CNTNAP2: variants seen among roughly 807,000 people sequenced by gnomAD.
The protein encoded by CNTNAP2 is contactin associated protein 2.
CNTNAP2 carries 98 observed loss-of-function variants against 155.2 expected under a neutral mutation model. The observed-to-expected ratio is 0.63, with a 90% CI of 0.54 to 0.75. The LOEUF (loss-of-function observed/expected upper bound fraction) is 0.75, where lower values mean the gene tolerates loss of function less well. Ranked by LOEUF, CNTNAP2 falls within the 30% of genes least tolerant of loss-of-function variation. The pLI is 0.00. For synonymous variants in CNTNAP2, 651 were observed against 631.2 expected (o/e 1.03, Z -0.47); for missense variants, 1,727 against 1,688.1 (o/e 1.02, Z -0.40).
At chr7:148,222,235 G>A (rs183104799) in intron 19 of CNTNAP2, among the ~76,000 whole-genome samples, 1 of 152,206 alleles carries the variant, frequency 6.6e-6, no homozygotes, top group African/African-American at 2.4e-5. Context: ...TCTGTTGCTT[G>A]TAACAGAATA....
At chr7:148,190,035 C>T (rs916802741) in intron 18 of CNTNAP2, 1 of 152,256 alleles carries the variant, frequency 6.6e-6, no homozygotes, top group Non-Finnish European at 1.5e-5. Context: ...AGCCAAGTGA[C>T]TGCTCCATCA....
At chr7:148,063,919 T>C (rs1644773860) in intron 15 of CNTNAP2, among the ~76,000 whole-genome samples, 1 of 152,128 alleles carries the variant, frequency 6.6e-6, no homozygotes, top group African/African-American at 2.4e-5. Flanking sequence ...AGGTGAGAGA[T>C]GAGGATTCAG....
At chr7:146,308,421 G>T (rs572572753) in intron 1 of CNTNAP2, among the ~76,000 whole-genome samples, 1 of 152,112 alleles carries the variant, frequency 6.6e-6, no homozygotes, top group African/African-American at 2.4e-5. Context: ...ACAGTGTGGC[G>T]ATTCCTCAGG....
intron 8 of CNTNAP2, among the ~76,000 whole-genome samples, chr7:147,295,283 G>A (rs1563149887): frequency 6.6e-6 from 1 of 152,012 alleles, no homozygotes; most frequent in African/African-American, 2.4e-5. Context: ...GTGTGTGTGT[G>A]TGCACGTGTT....
chr7:146,643,572 A>G (rs1326811906), intron 1 of CNTNAP2, among the ~76,000 whole-genome samples: 1 of 151,960 alleles, frequency 6.6e-6, no homozygotes, highest in East Asian at 1.9e-4. Flanking sequence ...GCCTTGTAGT[A>G]TAGTTTGAAG....
At chr7:146,196,672 C>T (rs1434117133) in intron 1 of CNTNAP2, among the ~76,000 whole-genome samples, 1 of 151,978 alleles carries the variant, frequency 6.6e-6, no homozygotes, top group Non-Finnish European at 1.5e-5. Context: ...GAAGAGAAGA[C>T]ATGGCATGTA....
intron 22 of CNTNAP2, among the ~76,000 whole-genome samples, chr7:148,400,663 T>C (rs996305485): frequency 2.0e-5 from 3 of 152,148 alleles, no homozygotes; most frequent in Non-Finnish European, 1.5e-5. Flanking sequence ...TTACTTGTAA[T>C]ACCTAATACA....
At chr7:146,721,107 A>C (rs1176570594) in intron 1 of CNTNAP2, among the ~76,000 whole-genome samples, 5 of 132,116 alleles carry the variant, frequency 3.8e-5, no homozygotes, top group African/African-American at 1.1e-4. Flanking sequence ...TATTCTCTAT[A>C]TATATTCTCT....
At chr7:147,413,423 G>C (rs1007024034) in intron 10 of CNTNAP2, among the ~76,000 whole-genome samples, 1 of 152,162 alleles carries the variant, frequency 6.6e-6, no homozygotes, top group Non-Finnish European at 1.5e-5. Context: ...GGTTGATACA[G>C]ATCAGTAAGG....
At chr7:147,206,123 T>G (rs923227818) in intron 8 of CNTNAP2, among the ~76,000 whole-genome samples, 2 of 151,988 alleles carry the variant, frequency 1.3e-5, no homozygotes, top group Non-Finnish European at 2.9e-5. Context: ...TAAAGACTAA[T>G]GTAGAAAAAA....
At chr7:147,035,876 AAT>A (rs34734998) in intron 3 of CNTNAP2, among the ~76,000 whole-genome samples, 71,588 of 151,716 alleles carry the variant, frequency 0.47, 17,221 homozygotes, top group South Asian at 0.55. Context: ...AGAAAAAAAA[AAT>A]GTTAGTTCAT....
At chr7:146,718,495 T>C (rs1297583363) in intron 1 of CNTNAP2, among the ~76,000 whole-genome samples, 1 of 152,138 alleles carries the variant, frequency 6.6e-6, no homozygotes, top group Admixed American at 6.6e-5. Context: ...GGAACCTCTG[T>C]TCCTTAAACC....
At chr7:147,150,389 T>G (rs1482177422) in intron 8 of CNTNAP2, among the ~76,000 whole-genome samples, 1 of 152,120 alleles carries the variant, frequency 6.6e-6, no homozygotes, top group African/African-American at 2.4e-5. Flanking sequence ...AGAACAGTAT[T>G]GTAATTTTGT....
chr7:146,535,890 A>G (rs1366367865), intron 1 of CNTNAP2, among the ~76,000 whole-genome samples: 1 of 152,100 alleles, frequency 6.6e-6, no homozygotes, highest in Non-Finnish European at 1.5e-5. Context: ...TTCAGTGTAG[A>G]TGGATGGAGT....
At chr7:147,287,817 T>G (rs1204969739) in intron 8 of CNTNAP2, among the ~76,000 whole-genome samples, 1 of 152,122 alleles carries the variant, frequency 6.6e-6, no homozygotes, top group Non-Finnish European at 1.5e-5. Flanking sequence ...TCTCAAACTT[T>G]CGACAGCCAG....
intron 1 of CNTNAP2, among the ~76,000 whole-genome samples, chr7:146,140,367 G>A (rs1012937859): frequency 6.6e-6 from 1 of 152,002 alleles, no homozygotes; most frequent in Non-Finnish European, 1.5e-5. Context: ...GCCATCCTCT[G>A]CCATGCTCCC....
At chr7:146,561,145 C>T (rs969666985) in intron 1 of CNTNAP2, among the ~76,000 whole-genome samples, 7 of 152,244 alleles carry the variant, frequency 4.6e-5, no homozygotes, top group Admixed American at 4.6e-4. Context: ...AGAGTGCCTT[C>T]TACATTTCCC....
At chr7:148,097,975 C>T (rs1245387665) in intron 15 of CNTNAP2, among the ~76,000 whole-genome samples, 1 of 152,118 alleles carries the variant, frequency 6.6e-6, no homozygotes, top group African/African-American at 2.4e-5. Flanking sequence ...ATAAAAATTA[C>T]ATGGATAGAG....
At chr7:146,726,513 G>T (rs146417137) in intron 1 of CNTNAP2, among the ~76,000 whole-genome samples, 1 of 151,858 alleles carries the variant, frequency 6.6e-6, no homozygotes, top group Admixed American at 6.6e-5. Flanking sequence ...AAGCAATTAC[G>T]TAAATTTTCT....
Sources: gnomAD v4.1 joint callset for allele counts (sites outside exome capture counted in the v4.1 genomes callset) on GRCh38, gnomAD v4.1.1 for gene constraint, MANE v1.5 for transcripts, NCBI Gene and HGNC (gene_info 2026-07-23, HGNC 2026-07-21) for gene names.